Variants in TRPS1 observed in about 807,000 individuals in gnomAD.
The protein encoded by TRPS1 is zinc finger transcription factor Trps1.
TRPS1 carries 6 observed loss-of-function variants against 101.2 expected under a neutral mutation model. The ratio of observed to expected loss-of-function variants is 0.06; its 90% CI spans 0.03 to 0.12. The LOEUF (loss-of-function observed/expected upper bound fraction) is 0.12. TRPS1 is among the 10% of genes least tolerant of loss of function. The probability of loss-of-function intolerance (pLI) is 1.00; values close to 1 mark genes in which losing one functional copy is unlikely to be tolerated. For missense variants in TRPS1, 1,363 were observed against 1,567.0 expected, an observed-to-expected ratio of 0.87 and a Z score of 2.20; for synonymous variants, 578 against 589.8, an observed-to-expected ratio of 0.98 and a Z score of 0.29.
At chr8:115,568,644 G>T (rs771709292) in intron 5 of TRPS1, among the ~76,000 whole-genome samples, 13 of 151,826 alleles carry the variant, frequency 8.6e-5, no homozygotes, top group Non-Finnish European at 1.5e-4. Context: ...TTCCACAAAT[G>T]GCTTTTTTAG....
intron 5 of TRPS1, among the ~76,000 whole-genome samples, chr8:115,475,232 G>A (rs903542522): frequency 7.1e-6 from 1 of 141,220 alleles, no homozygotes; most frequent in Non-Finnish European, 1.5e-5. Context: ...AGGGATGATG[G>A]AAGGTAATTT....
At chr8:115,532,516 T>C (rs1177371352) in intron 5 of TRPS1, among the ~76,000 whole-genome samples, 1 of 152,136 alleles carries the variant, frequency 6.6e-6, no homozygotes, top group Non-Finnish European at 1.5e-5. Context: ...CAACTAATTA[T>C]AATATGGTGC....
rs1563678396 is a variant in TRPS1, at chr8:115,663,668, CATA to C, written c.-122+4874_-122+4876del. ...CAAATGATGCTCCAAATTTGAAGTA[CATA>C]GATAATTTCACCTTCATTTTTGCTA... is the stretch of plus-strand genomic sequence containing the variant. On this transcript the variant is annotated intron_variant, in intron 1 of 6. Transcript: ENST00000395715. 9.5e-5 allele frequency among the ~76,000 whole-genome samples: 12 copies of C among 126,962 alleles called. 1 individual carries two copies. The highest frequency in any genetic ancestry group is 3.4e-4 in the African/African-American group (12 of 35,130). The allele number at this position is 126,962 out of a possible 152,430, so 83.3% of individuals were successfully genotyped here. A position where few individuals can be genotyped will look rare whatever the true frequency, so the allele number is the denominator to read the frequency against.
At chr8:115,449,956 A>AACACAC (rs61176190) in intron 5 of TRPS1, among the ~76,000 whole-genome samples, 57,148 of 146,778 alleles carry the variant, frequency 0.39, 11,023 homozygotes, top group East Asian at 0.48. Flanking sequence ...TATGTGATTT[A>AACACAC]ACACACACAC....
intron 5 of TRPS1, among the ~76,000 whole-genome samples, chr8:115,565,485 G>A (rs1388545012): frequency 1.3e-5 from 1 of 74,682 alleles, no homozygotes; most frequent in Non-Finnish European, 2.2e-5. Flanking sequence ...AAAAATGACA[G>A]GTTTTTTTTT....
At position 115,476,163 on chromosome 8, in the gene TRPS1, C is replaced by T. The variant is rs1351756528; in HGVS notation, c.2701-57711G>A. On this transcript the variant is annotated intron_variant, in intron 5 of 6. Coordinates refer to ENST00000395715, the MANE Select transcript of TRPS1 (RefSeq NM_014112.5). ...CCTCCCAAGTAGCTGGGACTACAGG[C>T]GCCCGCCACTACGCCCGGCTAATTT... Among the ~76,000 whole-genome samples the T allele has an allele frequency of 3.4e-5, 2 of 59,120 alleles. 1 individual carries two copies. Among genetic ancestry groups the T allele is most frequent in the African/African-American group, 3.7e-4 (2 of 5,468 alleles). The allele number at this position is 59,120 out of a possible 152,430, so 38.8% of individuals were successfully genotyped here. A position where few individuals can be genotyped will look rare whatever the true frequency, so the allele number is the denominator to read the frequency against.
chr8:115,424,701 T>C (rs1279575870), intron 5 of TRPS1, among the ~76,000 whole-genome samples: 20 of 152,182 alleles, frequency 1.3e-4, no homozygotes, highest in Non-Finnish European at 2.9e-5. Context: ...TGCTCCTTTG[T>C]AAAAACGTGT....
chr8:115,436,079 A>G (rs1011104160), intron 5 of TRPS1, among the ~76,000 whole-genome samples: 13 of 151,724 alleles, frequency 8.6e-5, no homozygotes, highest in Non-Finnish European at 1.9e-4. Flanking sequence ...AGGTGGTGAG[A>G]CTCAAATAAG....
chr8:115,575,323 G>A (rs770129506), intron 5 of TRPS1, among the ~76,000 whole-genome samples: 1 of 152,092 alleles, frequency 6.6e-6, no homozygotes, highest in African/African-American at 2.4e-5. Context: ...AAAACAGCGT[G>A]TAATTTATTA....
chr8:115,604,841 T>C lies in TRPS1; in HGVS notation c.1128A>G (p.Lys376=). 6.2e-7 allele frequency: 1 copy of C among 1,614,092 alleles called. No homozygotes were observed. The highest frequency in any genetic ancestry group is 8.5e-7 in the Non-Finnish European group (1 of 1,179,994). The change falls in exon 4 of 7, where the codon AAA becomes AAG. Residue 376 remains lysine, a synonymous_variant. Coordinates refer to ENST00000395715, the MANE Select transcript of TRPS1 (RefSeq NM_014112.5). This position sits in a 1 kb window ranked among gnomAD's most constrained non-coding sequence, Gnocchi z 4.1. ...CAACCTCAGAGGAGGGGAGAGAAGCTTTTATTTTGTTTGGGTGAGTCTGAA... is the reference window on the plus strand; with the variant it reads ...CAACCTCAGAGGAGGGGAGAGAAGCCTTTATTTTGTTTGGGTGAGTCTGAA... ...HFLQTHPNKI[K]ASLPSSEVAK...
chr8:115,532,488 G>A (rs1456019407), intron 5 of TRPS1, among the ~76,000 whole-genome samples: 6 of 152,234 alleles, frequency 3.9e-5, no homozygotes, highest in East Asian at 3.9e-4. Flanking sequence ...GTGTCTAGAA[G>A]AGAAATAAAT....
chr8:115,530,146 T>C (rs1816095815), intron 5 of TRPS1, among the ~76,000 whole-genome samples: 1 of 152,184 alleles, frequency 6.6e-6, no homozygotes, highest in Non-Finnish European at 1.5e-5. Flanking sequence ...GTTGTGTCAT[T>C]ATTCTTTGAA....
At chr8:115,430,175 C>T (rs1034765621) in intron 5 of TRPS1, among the ~76,000 whole-genome samples, 3 of 152,038 alleles carry the variant, frequency 2.0e-5, no homozygotes, top group East Asian at 1.9e-4. Context: ...TTGGAGCATT[C>T]GAATGTTAGT....
intron 5 of TRPS1, among the ~76,000 whole-genome samples, chr8:115,469,759 A>T (rs1237112227): frequency 1.3e-5 from 2 of 151,994 alleles, no homozygotes; most frequent in African/African-American, 4.8e-5. Context: ...GAACTCCTGA[A>T]CTCAGGTGAT....
chr8:115,577,421 A>G (rs954381970), intron 5 of TRPS1, among the ~76,000 whole-genome samples: 5 of 152,278 alleles, frequency 3.3e-5, no homozygotes, highest in Non-Finnish European at 5.9e-5. Context: ...GTTAATTCAG[A>G]AAGTATTCTT....
chr8:115,414,484 T>G lies in TRPS1; in HGVS notation c.3424A>C (p.Ser1142Arg), dbSNP rs368593327. 70 of 1,613,902 alleles carry G rather than the reference T, an allele frequency of 4.3e-5. No homozygotes were observed. The highest frequency in any genetic ancestry group is 5.8e-5 in the Non-Finnish European group (69 of 1,179,944). Residue 1142 changes from serine to arginine, a missense_variant, in exon 7 of 7, where the codon AGT (serine) becomes CGT (arginine). By Grantham distance (110) the Ser-to-Arg change is moderately radical. This residue lies in a region of TRPS1 where 307 missense variants were observed against 392.4 expected (regional missense o/e 0.78). Transcript: ENST00000395715. This position sits in a 1 kb window ranked among gnomAD's most constrained non-coding sequence, Gnocchi z 4.8. The stretch of plus-strand genomic sequence containing the variant: ...GGATTTGGTAGGCCAGGCACGTGAC[T>G]CAAGTAGTGCGGATTCCCAGGAACG... ...LSVPGNPHYLSHVPGLPNPCQ... is the reference protein window; with the variant it reads ...LSVPGNPHYLRHVPGLPNPCQ...
At chr8:115,450,542 AC>A (rs757163946) in intron 5 of TRPS1, among the ~76,000 whole-genome samples, 144 of 152,164 alleles carry the variant, frequency 9.5e-4, no homozygotes, top group Non-Finnish European at 1.7e-3. Context: ...AAAACTTTTA[AC>A]CCTGAACTGG....
chr8:115,504,971 A>C (rs1815406038), intron 5 of TRPS1, among the ~76,000 whole-genome samples: 2 of 152,150 alleles, frequency 1.3e-5, no homozygotes, highest in Non-Finnish European at 2.9e-5. Flanking sequence ...TATAAGGCAC[A>C]GCATATATAT....
At chr8:115,524,865 T>C (rs893812239) in intron 5 of TRPS1, among the ~76,000 whole-genome samples, 1 of 152,162 alleles carries the variant, frequency 6.6e-6, no homozygotes, top group African/African-American at 2.4e-5. Flanking sequence ...ATACCAGTGA[T>C]CAAAGTTGCT....
Sources: allele counts gnomAD v4.1 joint callset (sites outside exome capture counted in the v4.1 genomes callset), GRCh38; gene constraint gnomAD v4.1.1; regional missense constraint gnomAD v4.1.1; non-coding constraint Gnocchi (gnomAD v3.1); transcripts MANE v1.5; gene names NCBI Gene and HGNC (gene_info 2026-07-23, HGNC 2026-07-21).